The following ANKRD44 variants were observed in gnomAD, a reference collection of about 807,000 sequenced individuals.
ANKRD44 encodes the protein ankyrin repeat domain 44, also known as serine/threonine-protein phosphatase 6 regulatory ankyrin repeat subunit B.
Under a neutral mutation model 116.0 loss-of-function variants are expected in ANKRD44, and 35 were observed. The observed-to-expected ratio is 0.30, with a 90% CI of 0.23 to 0.40. The LOEUF (loss-of-function observed/expected upper bound fraction) is 0.40. Ranked by LOEUF, ANKRD44 falls within the 10% of genes least tolerant of loss-of-function variation. The pLI, the probability that ANKRD44 is intolerant of heterozygous loss-of-function variation, is 1.00. For synonymous variants in ANKRD44, 435 were observed against 461.8 expected (o/e 0.94, Z 0.74); for missense variants, 1,014 against 1,242.6 (o/e 0.82, Z 2.77).
At chr2:196,967,238 A>G (rs1427445372) in exon 22 of ANKRD44, 2 of 250,598 alleles carry the variant, frequency 8.0e-6, no homozygotes, top group Non-Finnish European at 1.7e-5. Context: ...TCTTGTTCCC[A>G]GTTGGAAAAT....
intron 16 of ANKRD44, among the ~76,000 whole-genome samples, chr2:197,036,139 G>A (rs1395265871): frequency 2.6e-5 from 4 of 152,104 alleles, no homozygotes; most frequent in South Asian, 2.1e-4. Context: ...CCAGAAACTC[G>A]GTAGTTTGTA....
At chr2:197,224,750 A>G (rs2081663209) in intron 1 of ANKRD44, among the ~76,000 whole-genome samples, 1 of 152,184 alleles carries the variant, frequency 6.6e-6, no homozygotes, top group Non-Finnish European at 1.5e-5. Context: ...TTCCTTTTCT[A>G]GGAAAAAAGG....
chr2:197,170,208 A>AAAAAAAC (rs2080199095), intron 2 of ANKRD44, among the ~76,000 whole-genome samples: 2 of 146,446 alleles, frequency 1.4e-5, no homozygotes, highest in Admixed American at 6.7e-5. Flanking sequence ...AAAAAAAAAA[A>AAAAAAAC]AAAAAACTGG....
chr2:197,154,529 T>G (rs181961629), intron 2 of ANKRD44, among the ~76,000 whole-genome samples: 84 of 152,210 alleles, frequency 5.5e-4, no homozygotes, highest in Middle Eastern at 3.4e-3. Context: ...ACATGGTACA[T>G]TCTGGTTTTT....
intron 1 of ANKRD44, among the ~76,000 whole-genome samples, chr2:197,204,887 G>A (rs899438279): frequency 1.3e-5 from 2 of 152,210 alleles, no homozygotes; most frequent in Non-Finnish European, 2.9e-5. Context: ...CTAGAAGGCA[G>A]AACCCGATCT....
intron 16 of ANKRD44, among the ~76,000 whole-genome samples, chr2:197,048,808 A>G (rs1188434833): frequency 1.4e-5 from 2 of 140,996 alleles, no homozygotes; most frequent in Non-Finnish European, 3.2e-5. Context: ...CCAACAGTGT[A>G]AAAGCGTTCC....
At chr2:196,999,695 G>A (rs920371981) in intron 23 of ANKRD44, among the ~76,000 whole-genome samples, 6 of 151,928 alleles carry the variant, frequency 3.9e-5, no homozygotes, top group African/African-American at 1.5e-4. Flanking sequence ...ATGGGTTCAC[G>A]CCATTCTCCT....
chr2:197,254,711 C>T (rs760540218), intron 1 of ANKRD44, among the ~76,000 whole-genome samples: 4 of 150,542 alleles, frequency 2.7e-5, no homozygotes, highest in Non-Finnish European at 4.4e-5. Context: ...GTATGTTCCA[C>T]CTTACTGTGT....
At chr2:197,280,905 AAC>A (rs2083245186) in intron 1 of ANKRD44, among the ~76,000 whole-genome samples, 1 of 152,218 alleles carries the variant, frequency 6.6e-6, no homozygotes, top group Middle Eastern at 3.2e-3. Flanking sequence ...TTACTTAAAA[AAC>A]AGTCTTTCTG....
Position 196,987,277 on chromosome 2 carries a change from C to T in ANKRD44, c.*2314G>A. 1 of 984,776 alleles carries T rather than the reference C, an allele frequency of 1.0e-6. No homozygotes were observed. Among genetic ancestry groups the T allele is most frequent in the Non-Finnish European group, 1.2e-6 (1 of 829,546 alleles). 61.0% of individuals were successfully genotyped at this position (984,776 alleles called of 1,614,324 possible). A position where few individuals can be genotyped will look rare whatever the true frequency, so the allele number is the denominator to read the frequency against. ...TTTCATATTCATTTCAATGCAAGTA[C>T]AAGGGGAAATAGGAAAAAAGACACT... is the stretch of plus-strand genomic sequence containing the variant. On this transcript the variant is annotated 3_prime_UTR_variant, in exon 28 of 28. Coordinates refer to ENST00000282272, the MANE Select transcript of ANKRD44 (RefSeq NM_001195144.2).
intron 9 of ANKRD44, among the ~76,000 whole-genome samples, chr2:197,104,194 C>A (rs550760271): frequency 5.9e-4 from 90 of 152,286 alleles, no homozygotes; most frequent in Non-Finnish European, 8.7e-4. Flanking sequence ...AGTCTCGGCT[C>A]ACTGCAACCT....
At chr2:197,055,544 C>T (rs62279188) in intron 16 of ANKRD44, among the ~76,000 whole-genome samples, 19,750 of 152,160 alleles carry the variant, frequency 0.13, 1,456 homozygotes, top group Non-Finnish European at 0.17. Flanking sequence ...TGTTCTCTTA[C>T]GCTTACTTCT....
At chr2:196,986,014 T>C (rs72922638), downstream of ANKRD44, among the ~76,000 whole-genome samples, 24,315 of 152,212 alleles carry the variant, frequency 0.16, 2,138 homozygotes, top group African/African-American at 0.23. Context: ...AAGCTTCCTC[T>C]TTTTTGATGT....
intron 16 of ANKRD44, among the ~76,000 whole-genome samples, chr2:197,056,694 T>C (rs2077210174): frequency 6.6e-6 from 1 of 152,178 alleles, no homozygotes; most frequent in African/African-American, 2.4e-5. Context: ...ATTTTGTAAA[T>C]GGTATTTTAA....
At chr2:197,231,274 TAA>T (rs1407344571) in intron 1 of ANKRD44, among the ~76,000 whole-genome samples, 1 of 152,030 alleles carries the variant, frequency 6.6e-6, no homozygotes, top group East Asian at 1.9e-4. Flanking sequence ...ATTAAAAATT[TAA>T]AAAGTTAGCC....
chr2:197,238,964 C>T (rs995195796), intron 1 of ANKRD44, among the ~76,000 whole-genome samples: 3 of 152,102 alleles, frequency 2.0e-5, no homozygotes, highest in Non-Finnish European at 4.4e-5. Flanking sequence ...CCTGGCCCCC[C>T]AACCCGCCTG....
At chr2:197,095,955 G>C (rs78718594) in intron 10 of ANKRD44, among the ~76,000 whole-genome samples, 6,038 of 152,202 alleles carry the variant, frequency 0.04, 152 homozygotes, top group Middle Eastern at 0.078. Flanking sequence ...AGTTCATCTA[G>C]TTTATGTTTA....
At chr2:197,206,304 T>A (rs1045940849) in intron 1 of ANKRD44, among the ~76,000 whole-genome samples, 1 of 152,122 alleles carries the variant, frequency 6.6e-6, no homozygotes, top group Non-Finnish European at 1.5e-5. Flanking sequence ...CAAGCATGGG[T>A]GAAAACAAAC....
At chr2:197,306,209 C>T (rs774474281) in intron 1 of ANKRD44, among the ~76,000 whole-genome samples, 1 of 152,108 alleles carries the variant, frequency 6.6e-6, no homozygotes, top group South Asian at 2.1e-4. Context: ...CCATTAATCC[C>T]ATGGCTGCAC....
Sources: gnomAD v4.1 joint callset for allele counts (sites outside exome capture counted in the v4.1 genomes callset) on GRCh38, gnomAD v4.1.1 for gene constraint, MANE v1.5 for transcripts, NCBI Gene and HGNC (gene_info 2026-07-23, HGNC 2026-07-21) for gene names.